Variants in PRMT8 observed in about 807,000 individuals in gnomAD.
PRMT8 encodes protein arginine N-methyltransferase 8.
Under a neutral mutation model 47.1 loss-of-function variants are expected in PRMT8, and 7 were observed. The observed-to-expected ratio is 0.15, with a 90% CI of 0.08 to 0.28. PRMT8 has a LOEUF of 0.28. PRMT8 is among the 10% of genes least tolerant of loss of function. The pLI is 1.00. For synonymous variants in PRMT8, 188 were observed against 186.5 expected (o/e 1.01, Z -0.07); for missense variants, 237 against 505.4 (o/e 0.47, Z 5.09).
chr12:3,482,670 TGGGGCTGGG>T, intron 1 of PRMT8, among the ~76,000 whole-genome samples: 1 of 152,174 alleles, frequency 6.6e-6, no homozygotes, highest in South Asian at 2.1e-4. Context: ...CTCTGGCCTC[TGGGGCTGGG>T]GTGTCCTTTT....
intron 4 of PRMT8, among the ~76,000 whole-genome samples, chr12:3,558,084 G>T (rs1866558823): frequency 6.6e-6 from 1 of 152,060 alleles, no homozygotes; most frequent in Non-Finnish European, 1.5e-5. Flanking sequence ...AGGGGCTACT[G>T]CCCTGCAGCC....
chr12:3,425,640 TGCA>T (rs1279563332), intron 1 of PRMT8, among the ~76,000 whole-genome samples: 1 of 152,278 alleles, frequency 6.6e-6, no homozygotes, highest in Non-Finnish European at 1.5e-5. Context: ...ACTTAAATTC[TGCA>T]GCTATTTGAT....
At chr12:3,567,853 C>A (rs1158614170) in intron 4 of PRMT8, among the ~76,000 whole-genome samples, 1 of 152,112 alleles carries the variant, frequency 6.6e-6, no homozygotes, top group Non-Finnish European at 1.5e-5. Flanking sequence ...GCGGGTAGAT[C>A]ACCTGAGGTC....
chr12:3,495,826 T>C (rs1389769567), intron 1 of PRMT8, among the ~76,000 whole-genome samples: 1 of 152,202 alleles, frequency 6.6e-6, no homozygotes, highest in Non-Finnish European at 1.5e-5. Context: ...CCCACCTGTC[T>C]GCTGTACTTA....
intron 1 of PRMT8, among the ~76,000 whole-genome samples, chr12:3,507,819 T>C (rs4766132): frequency 0.17 from 25,683 of 149,184 alleles, 3,899 homozygotes; most frequent in African/African-American, 0.42. Flanking sequence ...AGTGCAGTGG[T>C]GCGATCTCGG....
intron 4 of PRMT8, among the ~76,000 whole-genome samples, chr12:3,562,443 G>C (rs1203617593): frequency 6.6e-6 from 1 of 151,956 alleles, no homozygotes; most frequent in Non-Finnish European, 1.5e-5. Flanking sequence ...TACAGTCTCG[G>C]GGGAAGACAG....
At chr12:3,446,611 C>G (rs1436966062) in intron 1 of PRMT8, among the ~76,000 whole-genome samples, 1 of 152,190 alleles carries the variant, frequency 6.6e-6, no homozygotes, top group Non-Finnish European at 1.5e-5. Flanking sequence ...GGAGTCCCAG[C>G]TGTGTGTCAT....
At chr12:3,478,307 T>TCTACCTAC (rs59437397) in intron 1 of PRMT8, among the ~76,000 whole-genome samples, 167 of 135,720 alleles carry the variant, frequency 1.2e-3, no homozygotes, top group African/African-American at 3.1e-3. Context: ...TATCTATCTA[T>TCTACCTAC]CTACCTACCT....
intron 1 of PRMT8, among the ~76,000 whole-genome samples, chr12:3,420,442 C>T (rs150254294): frequency 6.6e-6 from 1 of 152,266 alleles, no homozygotes; most frequent in East Asian, 1.9e-4. Context: ...ATATTGGGGA[C>T]CCCCTTTGTA....
chr12:3,403,483 G>GAA (rs1364811338), intron 1 of PRMT8, among the ~76,000 whole-genome samples: 7 of 111,184 alleles, frequency 6.3e-5, no homozygotes, highest in African/African-American at 2.3e-4. Flanking sequence ...AAAAGTTGAA[G>GAA]AAAAAAAAAA....
upstream of PRMT8, among the ~76,000 whole-genome samples, chr12:3,487,849 G>T (rs1299565044): frequency 2.0e-5 from 3 of 152,130 alleles, no homozygotes; most frequent in African/African-American, 7.2e-5. Context: ...AGATATTCTT[G>T]TCCAGTTGTC....
At chr12:3,464,728 A>G in intron 1 of PRMT8, among the ~76,000 whole-genome samples, 1 of 152,192 alleles carries the variant, frequency 6.6e-6, no homozygotes, top group East Asian at 1.9e-4. Flanking sequence ...ATCAGATCTC[A>G]TCTGCCCTGG....
At chr12:3,562,815 C>T (rs1374138567) in intron 4 of PRMT8, among the ~76,000 whole-genome samples, 1 of 152,116 alleles carries the variant, frequency 6.6e-6, no homozygotes, top group Non-Finnish European at 1.5e-5. Flanking sequence ...TTTTACCTGC[C>T]TGTATACATT....
chr12:3,522,481 T>C (rs945752522), intron 1 of PRMT8, among the ~76,000 whole-genome samples: 21 of 152,022 alleles, frequency 1.4e-4, no homozygotes, highest in Non-Finnish European at 2.1e-4. Context: ...CTGGCCAAGA[T>C]GGTGAAAACA....
Position 3,491,224 on chromosome 12 carries a change from G to A in PRMT8, c.-402G>A. The A allele has an allele frequency of 2.0e-6, 2 of 1,004,004 alleles. No homozygotes were observed. Among genetic ancestry groups the A allele is most frequent in the Non-Finnish European group, 2.4e-6 (2 of 842,162 alleles). 62.2% of individuals were successfully genotyped at this position (1,004,004 alleles called of 1,614,324 possible). The stretch of plus-strand genomic sequence containing the variant: ...TGTTGCTTCGCCCAGCGGATCGGCA[G>A]AAGTTGAGAGGAGTTGGCGGCTGCC... On this transcript the variant is annotated 5_prime_UTR_variant, in exon 1 of 10. Transcript: ENST00000382622.
intron 7 of PRMT8, among the ~76,000 whole-genome samples, chr12:3,581,873 A>C (rs1332878530): frequency 6.6e-6 from 1 of 152,236 alleles, no homozygotes; most frequent in African/African-American, 2.4e-5. Flanking sequence ...TGAAGGCCCC[A>C]GGATAGTTTG....
At chr12:3,470,711 C>T (rs376690451) in intron 1 of PRMT8, among the ~76,000 whole-genome samples, 43 of 152,138 alleles carry the variant, frequency 2.8e-4, no homozygotes, top group East Asian at 2.3e-3. Context: ...TGGGAGGGGC[C>T]TCAGGGATGG....
intron 1 of PRMT8, among the ~76,000 whole-genome samples, chr12:3,386,831 T>C (rs1298481910): frequency 6.6e-6 from 1 of 151,928 alleles, no homozygotes; most frequent in Admixed American, 6.6e-5. Flanking sequence ...TGCCTCAGCC[T>C]CCCGAGTAGC....
At chr12:3,401,298 A>G (rs1483129166) in intron 1 of PRMT8, among the ~76,000 whole-genome samples, 3 of 152,128 alleles carry the variant, frequency 2.0e-5, no homozygotes, top group Non-Finnish European at 2.9e-5. Flanking sequence ...AAAACTCTCA[A>G]TAAACTAGGT....
Sources: allele counts gnomAD v4.1 joint callset (sites outside exome capture counted in the v4.1 genomes callset), GRCh38; gene constraint gnomAD v4.1.1; transcripts MANE v1.5; gene names NCBI Gene and HGNC (gene_info 2026-07-23, HGNC 2026-07-21).